The following RXFP1 variants were observed in gnomAD, a reference collection of about 807,000 sequenced individuals.
RXFP1 encodes the protein relaxin receptor 1.
A neutral mutation model predicts 89.8 loss-of-function variants in RXFP1; 73 were observed. That is an observed-to-expected ratio of 0.81 (90% CI 0.67 to 0.99). RXFP1 has a LOEUF of 0.99. Among genes scored for constraint, RXFP1 ranks in the 50% least tolerant of loss-of-function variants. The pLI, the probability that RXFP1 is intolerant of heterozygous loss-of-function variation, is 0.00. For synonymous variants in RXFP1, 277 were observed against 305.5 expected, an observed-to-expected ratio of 0.91 and a Z score of 0.97; for missense variants, 793 against 895.5, an observed-to-expected ratio of 0.89 and a Z score of 1.46.
At chr4:158,561,847 A>G (rs1243792975) in intron 1 of RXFP1, among the ~76,000 whole-genome samples, 1 of 151,920 alleles carries the variant, frequency 6.6e-6, no homozygotes, top group Admixed American at 6.6e-5. Flanking sequence ...AGGCTGGTCT[A>G]GAACTCCTGA....
At chr4:158,530,044 A>C (rs940860468) in intron 1 of RXFP1, among the ~76,000 whole-genome samples, 5 of 152,184 alleles carry the variant, frequency 3.3e-5, no homozygotes, top group African/African-American at 1.2e-4. Flanking sequence ...CCTGATCCTC[A>C]TAATACAAGC....
At chr4:158,601,863 A>G (rs6823496) in intron 4 of RXFP1, among the ~76,000 whole-genome samples, 2,627 of 152,294 alleles carry the variant, frequency 0.017, 80 homozygotes, top group African/African-American at 0.06. Flanking sequence ...AGATATGATT[A>G]TTTTTACTTT....
intron 11 of RXFP1, among the ~76,000 whole-genome samples, chr4:158,631,812 G>A (rs560625600): frequency 4.2e-4 from 64 of 152,258 alleles, no homozygotes; most frequent in Non-Finnish European, 7.8e-4. Flanking sequence ...GTTCATTATG[G>A]CCAGGCGCAG....
chr4:158,561,626 C>CTTTTTT (rs70962615), intron 1 of RXFP1, among the ~76,000 whole-genome samples: 16 of 112,574 alleles, frequency 1.4e-4, no homozygotes, highest in East Asian at 2.3e-4. Flanking sequence ...TTCTTTTTTT[C>CTTTTTT]TTTTTTTTTT....
chr4:158,634,577 CA>C (rs1768769994), intron 12 of RXFP1, among the ~76,000 whole-genome samples: 1 of 152,050 alleles, frequency 6.6e-6, no homozygotes, highest in Non-Finnish European at 1.5e-5. Context: ...CTTTTGGTGT[CA>C]TATCCAAAAT....
chr4:158,522,772 C>T (rs1741498770), intron 1 of RXFP1, among the ~76,000 whole-genome samples: 1 of 152,022 alleles, frequency 6.6e-6, no homozygotes, highest in Non-Finnish European at 1.5e-5. Flanking sequence ...AAAGCCAAAC[C>T]AAGAACAAAA....
At chr4:158,547,998 G>T (rs959313806) in intron 1 of RXFP1, among the ~76,000 whole-genome samples, 3 of 152,072 alleles carry the variant, frequency 2.0e-5, no homozygotes, top group Admixed American at 1.3e-4. Flanking sequence ...CAATTCCTGG[G>T]TATCCTTGTT....
chr4:158,541,350 G>GCACGCACACACA (rs1553993587), intron 1 of RXFP1, among the ~76,000 whole-genome samples: 1 of 139,794 alleles, frequency 7.2e-6, no homozygotes, highest in Non-Finnish European at 1.5e-5. Context: ...AGAGCTTCAT[G>GCACGCACACACA]CACACACACA....
intron 12 of RXFP1, among the ~76,000 whole-genome samples, chr4:158,637,169 T>C (rs1769341756): frequency 6.6e-6 from 1 of 152,194 alleles, no homozygotes; most frequent in Non-Finnish European, 1.5e-5. Flanking sequence ...GTTGAATCCA[T>C]ACCTTGGCTA....
chr4:158,553,928 T>G (rs1440975104), intron 1 of RXFP1, among the ~76,000 whole-genome samples: 1 of 152,208 alleles, frequency 6.6e-6, no homozygotes, highest in Non-Finnish European at 1.5e-5. Flanking sequence ...TACTGATTAT[T>G]CGCCAATGCT....
chr4:158,572,901 A>G (rs1049825996), intron 2 of RXFP1, 66 bp downstream of exon 2: 17 of 1,571,074 alleles, frequency 1.1e-5, no homozygotes, highest in South Asian at 2.3e-5. Context: ...GAAGTCGCTG[A>G]GACTTCTCTC....
At chr4:158,572,556 A>T in intron 1 of RXFP1, 142 bp from the exon 2 acceptor site, 1 of 746,854 alleles carries the variant, frequency 1.3e-6, no homozygotes, top group Non-Finnish European at 2.3e-6. Flanking sequence ...GAAGGTTCCT[A>T]GAAAATAACT....
intron 10 of RXFP1, 88 bp from the exon 11 acceptor site, chr4:158,628,550 A>G (rs1223662332): frequency 3.4e-6 from 2 of 584,188 alleles, no homozygotes; most frequent in Non-Finnish European, 6.1e-6. Flanking sequence ...TATATTCATT[A>G]TCTTTGTTTC....
At chr4:158,650,561 G>C (rs931300608) in intron 17 of RXFP1, among the ~76,000 whole-genome samples, 1 of 151,818 alleles carries the variant, frequency 6.6e-6, no homozygotes, top group African/African-American at 2.4e-5. Context: ...TTGAGGTCAG[G>C]AGTTGGAGAC....
chr4:158,591,716 T>A (rs1010454003), intron 2 of RXFP1, among the ~76,000 whole-genome samples: 2 of 152,158 alleles, frequency 1.3e-5, no homozygotes, highest in Non-Finnish European at 2.9e-5. Context: ...ACCACTGCAT[T>A]CCAGCCTCAG....
intron 2 of RXFP1, 135 bp downstream of exon 2, chr4:158,572,970 A>C: frequency 1.6e-6 from 2 of 1,286,864 alleles, no homozygotes; most frequent in South Asian, 1.6e-5. Flanking sequence ...GAAATCTTAC[A>C]CTTATTTCAG....
At chr4:158,525,548 C>T (rs1164465382) in intron 1 of RXFP1, among the ~76,000 whole-genome samples, 1 of 152,166 alleles carries the variant, frequency 6.6e-6, no homozygotes, top group Non-Finnish European at 1.5e-5. Flanking sequence ...TTAGTACAAA[C>T]TTGTTAAACT....
intron 1 of RXFP1, among the ~76,000 whole-genome samples, chr4:158,569,779 G>A (rs1754643590): frequency 6.6e-6 from 1 of 152,074 alleles, no homozygotes; most frequent in African/African-American, 2.4e-5. Context: ...TAACGACAAG[G>A]GCTTTGTTTA....
At chr4:158,594,870 A>G (rs897866937) in intron 3 of RXFP1, among the ~76,000 whole-genome samples, 17 of 152,208 alleles carry the variant, frequency 1.1e-4, no homozygotes, top group Non-Finnish European at 1.0e-4. Flanking sequence ...AGCATGCCAG[A>G]TTAACAATAT....
Sources: gnomAD v4.1 joint callset for allele counts (sites outside exome capture counted in the v4.1 genomes callset) on GRCh38, gnomAD v4.1.1 for gene constraint, MANE v1.5 for transcripts, NCBI Gene and HGNC (gene_info 2026-07-23, HGNC 2026-07-21) for gene names.